Variants in CPA6 observed in about 807,000 individuals in gnomAD.
CPA6 encodes carboxypeptidase B.
A neutral mutation model predicts 63.3 loss-of-function variants in CPA6; 58 were observed. That is an observed-to-expected ratio of 0.92 (90% CI 0.74 to 1.14). The LOEUF (loss-of-function observed/expected upper bound fraction) is 1.14, where lower values mean the gene tolerates loss of function less well. Ranked by LOEUF, CPA6 falls within the 50% of genes most tolerant of loss-of-function variation. The pLI, the probability that CPA6 is intolerant of heterozygous loss-of-function variation, is 0.00. For synonymous variants in CPA6, 185 were observed against 179.0 expected (o/e 1.03, Z -0.27); for missense variants, 565 against 526.6 (o/e 1.07, Z -0.71).
intron 6 of CPA6, among the ~76,000 whole-genome samples, chr8:67,501,628 T>C (rs1811831607): frequency 6.6e-6 from 1 of 152,210 alleles, no homozygotes; most frequent in African/African-American, 2.4e-5. Context: ...TATATAATTA[T>C]TTTTCTTGAT....
chr8:67,486,865 T>C (rs1811488912), intron 6 of CPA6, among the ~76,000 whole-genome samples: 1 of 151,748 alleles, frequency 6.6e-6, no homozygotes, highest in African/African-American at 2.4e-5. Flanking sequence ...TGTTGTTGAC[T>C]TAACAATTTT....
intron 2 of CPA6, among the ~76,000 whole-genome samples, chr8:67,519,789 G>A (rs1812223081): frequency 6.6e-6 from 1 of 152,188 alleles, no homozygotes; most frequent in Non-Finnish European, 1.5e-5. Flanking sequence ...CCCAATAGGT[G>A]TGTCTAAACC....
intron 2 of CPA6, among the ~76,000 whole-genome samples, chr8:67,562,700 G>A (rs376030276): frequency 2.0e-5 from 3 of 152,154 alleles, no homozygotes; most frequent in African/African-American, 7.2e-5. Flanking sequence ...GCCCCAATGA[G>A]CTCTCATATA....
chr8:67,435,097 C>G (rs533192062), intron 8 of CPA6, among the ~76,000 whole-genome samples: 112 of 152,314 alleles, frequency 7.4e-4, no homozygotes, highest in African/African-American at 2.6e-3. Context: ...AGAGGAAGGA[C>G]AGTCTGCAAG....
chr8:67,672,720 G>C (rs374915128), intron 1 of CPA6, among the ~76,000 whole-genome samples: 2 of 152,088 alleles, frequency 1.3e-5, no homozygotes, highest in African/African-American at 4.8e-5. Context: ...GCATCAAACC[G>C]GTCTAAAGTC....
chr8:67,633,237 G>A (rs1483441540), intron 1 of CPA6, among the ~76,000 whole-genome samples: 1 of 152,020 alleles, frequency 6.6e-6, no homozygotes, highest in African/African-American at 2.4e-5. Flanking sequence ...TGCCACTCCT[G>A]CTTTCTTTTT....
chr8:67,432,112 T>C (rs531429144), intron 9 of CPA6, among the ~76,000 whole-genome samples: 6 of 152,202 alleles, frequency 3.9e-5, no homozygotes, highest in Non-Finnish European at 8.8e-5. Context: ...TGAGATGACT[T>C]GGGGCTGGAG....
At chr8:67,681,430 CGATCTCCTGACCTCAT>C (rs1282588644) in intron 1 of CPA6, among the ~76,000 whole-genome samples, 5 of 151,124 alleles carry the variant, frequency 3.3e-5, no homozygotes, top group African/African-American at 1.2e-4. Context: ...AGGATGGTCT[CGATCTCCTGACCTCAT>C]GATCCACTCG....
chr8:67,663,412 G>T (rs929488384), intron 1 of CPA6, among the ~76,000 whole-genome samples: 1 of 151,904 alleles, frequency 6.6e-6, no homozygotes, highest in Non-Finnish European at 1.5e-5. Flanking sequence ...GGATGTGCAG[G>T]TTTGTTACAT....
intron 3 of CPA6, among the ~76,000 whole-genome samples, chr8:67,514,375 A>T (rs1301300366): frequency 2.0e-5 from 3 of 152,240 alleles, no homozygotes; most frequent in Non-Finnish European, 2.9e-5. Context: ...GGGGCCAGAC[A>T]CATGAGGTCA....
chr8:67,580,985 G>A (rs1023725363), intron 2 of CPA6, among the ~76,000 whole-genome samples: 2 of 152,140 alleles, frequency 1.3e-5, no homozygotes, highest in African/African-American at 2.4e-5. Flanking sequence ...GGCCCAGAGC[G>A]AGGGGAGTAG....
chr8:67,507,197 T>C (rs1202472549), intron 5 of CPA6, among the ~76,000 whole-genome samples: 2 of 152,052 alleles, frequency 1.3e-5, no homozygotes, highest in Non-Finnish European at 2.9e-5. Flanking sequence ...AAGAGCTGAG[T>C]TCTTGCTATG....
In CPA6 at chr8:67,556,019, T is replaced by G. The variant is rs147144645; in HGVS notation, c.193-37972A>C. 4.1e-4 allele frequency among the ~76,000 whole-genome samples: 63 copies of G among 152,316 alleles called. 1 individual carries two copies. The highest frequency in any genetic ancestry group is 1.3e-3 in the African/African-American group (55 of 41,566). The stretch of plus-strand genomic sequence containing the variant: ...TTCCATCTGCCATGGTAACTGGCAA[T>G]GTTCTAAACAGAGGCTGTTCCTTCA... On this transcript the variant is annotated intron_variant, in intron 2 of 10. Coordinates refer to ENST00000297770, the MANE Select transcript of CPA6 (RefSeq NM_020361.5).
At chr8:67,438,867 G>GAA (rs887377319) in intron 8 of CPA6, among the ~76,000 whole-genome samples, 1 of 149,492 alleles carries the variant, frequency 6.7e-6, no homozygotes, top group Non-Finnish European at 1.5e-5. Context: ...GAAATTGATG[G>GAA]AAAAAAAAAC....
rs533040923 is a variant in CPA6 at position 67,734,183 on chromosome 8, A to G, written c.116+11831T>C. ...GTGAGCCACCAGCCTCCCTCTTATC[A>G]AGAAAGATACATTTATTTGCTCTTA... On this transcript the variant is annotated intron_variant, in intron 1 of 10. Transcript: ENST00000297770. 1.5e-4 allele frequency among the ~76,000 whole-genome samples: 23 copies of G among 151,850 alleles called. No individual in the cohort carries two copies. The South Asian group carries it at 4.6e-3, about 30-fold the overall frequency.
At chr8:67,672,619 C>A (rs540612300) in intron 1 of CPA6, among the ~76,000 whole-genome samples, 1 of 152,284 alleles carries the variant, frequency 6.6e-6, no homozygotes, top group Admixed American at 6.5e-5. Context: ...TCTCATAGAG[C>A]TCGGGCCCAA....
intron 1 of CPA6, among the ~76,000 whole-genome samples, chr8:67,739,557 G>T (rs1817874952): frequency 6.6e-6 from 1 of 152,154 alleles, no homozygotes; most frequent in Admixed American, 6.5e-5. Flanking sequence ...TCACTGATGA[G>T]CTGACATGGC....
intron 6 of CPA6, among the ~76,000 whole-genome samples, chr8:67,503,561 GC>G (rs578048139): frequency 7.3e-4 from 111 of 151,418 alleles, no homozygotes; most frequent in African/African-American, 2.5e-3. Context: ...TCCTGCCTCG[GC>G]CTCCCGAAGT....
intron 1 of CPA6, among the ~76,000 whole-genome samples, chr8:67,647,298 T>C (rs1468000915): frequency 6.6e-6 from 1 of 151,954 alleles, no homozygotes; most frequent in Non-Finnish European, 1.5e-5. Context: ...TTTGGGTATG[T>C]TAAGTTTGAG....
Sources: allele counts gnomAD v4.1 joint callset (sites outside exome capture counted in the v4.1 genomes callset), GRCh38; gene constraint gnomAD v4.1.1; transcripts MANE v1.5; gene names NCBI Gene and HGNC (gene_info 2026-07-23, HGNC 2026-07-21).